Variants in SSH2 observed in about 807,000 individuals in gnomAD.
SSH2 encodes the protein protein phosphatase Slingshot homolog 2.
SSH2 carries 37 observed loss-of-function variants against 135.2 expected under a neutral mutation model. The ratio of observed to expected loss-of-function variants is 0.27; its 90% CI spans 0.21 to 0.36. SSH2 has a LOEUF of 0.36. SSH2 is among the 10% of genes least tolerant of loss of function. The probability of loss-of-function intolerance (pLI) is 1.00; values close to 1 mark genes in which losing one functional copy is unlikely to be tolerated. For missense variants in SSH2, 1,408 were observed against 1,765.3 expected (o/e 0.80, Z 3.63); for synonymous variants, 628 against 646.2 (o/e 0.97, Z 0.43).
At chr17:29,850,430 T>C (rs2065534392) in intron 1 of SSH2, among the ~76,000 whole-genome samples, 1 of 152,346 alleles carries the variant, frequency 6.6e-6, no homozygotes. Flanking sequence ...ATTCCTACTT[T>C]AATTTTTCAC....
At chr17:29,790,200 C>T (rs1713225208) in intron 3 of SSH2, among the ~76,000 whole-genome samples, 1 of 152,130 alleles carries the variant, frequency 6.6e-6, no homozygotes, top group African/African-American at 2.4e-5. Context: ...TGAAGCCCTA[C>T]CCTCGAAAGT....
intron 1 of SSH2, among the ~76,000 whole-genome samples, chr17:29,919,555 G>A (rs183524504): frequency 1.3e-5 from 2 of 152,280 alleles, no homozygotes; most frequent in African/African-American, 4.8e-5. Flanking sequence ...CAAAGGAAGG[G>A]AATGTATGAG....
chr17:29,732,822 C>T (rs184793922), intron 3 of SSH2, among the ~76,000 whole-genome samples: 2 of 152,206 alleles, frequency 1.3e-5, no homozygotes, highest in Admixed American at 6.5e-5. Flanking sequence ...TTATTTCATC[C>T]GGAATAGATA....
intron 12 of SSH2, among the ~76,000 whole-genome samples, chr17:29,654,919 C>A (rs1314576876): frequency 6.6e-6 from 1 of 152,122 alleles, no homozygotes; most frequent in Non-Finnish European, 1.5e-5. Flanking sequence ...AGAAGACGCT[C>A]AATCAATGTT....
At chr17:29,674,061 AT>A (rs1352503045) in intron 8 of SSH2, 1 of 456,702 alleles carries the variant, frequency 2.2e-6, no homozygotes. Flanking sequence ...ATGCAAAATG[AT>A]AAGGCATATT....
intron 6 of SSH2, among the ~76,000 whole-genome samples, chr17:29,681,331 CAAAAAAAAAAAAAAAAAA>C (rs764461213): frequency 1.4e-4 from 2 of 14,338 alleles, no homozygotes; most frequent in Non-Finnish European, 2.4e-4. Context: ...GAGACTGTCT[CAAAAAAAAAAAAAAAAAA>C]AAAAAAAAAA....
chr17:29,885,269 T>C (rs1267339364), intron 1 of SSH2, among the ~76,000 whole-genome samples: 2 of 151,566 alleles, frequency 1.3e-5, no homozygotes, highest in Non-Finnish European at 2.9e-5. Flanking sequence ...CTATTGCATA[T>C]TATGCTTTTT....
At chr17:29,784,089 A>G (rs989589022) in intron 3 of SSH2, among the ~76,000 whole-genome samples, 1 of 134,778 alleles carries the variant, frequency 7.4e-6, no homozygotes, top group African/African-American at 2.8e-5. Flanking sequence ...AAAAAAAAAA[A>G]AAAAGAGTAA....
At chr17:29,685,656 G>A (rs1355699202) in intron 5 of SSH2, among the ~76,000 whole-genome samples, 1 of 151,662 alleles carries the variant, frequency 6.6e-6, no homozygotes, top group Non-Finnish European at 1.5e-5. Context: ...GGGCGTGGTG[G>A]CGCACGCCTG....
At chr17:29,926,239 A>G (rs900544907) in intron 1 of SSH2, among the ~76,000 whole-genome samples, 9 of 151,930 alleles carry the variant, frequency 5.9e-5, no homozygotes, top group African/African-American at 1.9e-4. Context: ...TATCTACTAG[A>G]TCAATTTTCT....
At chr17:29,688,419 C>T (rs1248577395) in intron 5 of SSH2, among the ~76,000 whole-genome samples, 2 of 152,158 alleles carry the variant, frequency 1.3e-5, no homozygotes, top group Non-Finnish European at 2.9e-5. Context: ...AGAAGGGCCC[C>T]AGACATTTAA....
intron 2 of SSH2, among the ~76,000 whole-genome samples, chr17:29,840,531 T>G (rs941770465): frequency 1.3e-5 from 2 of 152,226 alleles, no homozygotes; most frequent in African/African-American, 4.8e-5. Context: ...TTCATGTACT[T>G]AAATAATATA....
At chr17:29,683,054 T>G (rs547162488) in intron 6 of SSH2, among the ~76,000 whole-genome samples, 1 of 152,116 alleles carries the variant, frequency 6.6e-6, no homozygotes, top group Non-Finnish European at 1.5e-5. Context: ...GACAAAGTGA[T>G]TTTTTCCCCT....
At chr17:29,853,065 C>T (rs2065593299) in intron 1 of SSH2, among the ~76,000 whole-genome samples, 1 of 150,850 alleles carries the variant, frequency 6.6e-6, no homozygotes, top group African/African-American at 2.4e-5. Context: ...ATACAAAATG[C>T]AGCCTTAATT....
intron 3 of SSH2, among the ~76,000 whole-genome samples, chr17:29,705,556 C>T (rs933361631): frequency 1.3e-5 from 2 of 152,140 alleles, no homozygotes; most frequent in Admixed American, 6.5e-5. Flanking sequence ...TAAAAAACAT[C>T]GATTGTACAG....
At chr17:29,913,942 A>G (rs1243887420) in intron 1 of SSH2, among the ~76,000 whole-genome samples, 1 of 152,038 alleles carries the variant, frequency 6.6e-6, no homozygotes, top group African/African-American at 2.4e-5. Context: ...CCAGCTTCCT[A>G]TATTTCTTAC....
chr17:29,778,659 T>TAAAA (rs1333336827), intron 3 of SSH2, among the ~76,000 whole-genome samples: 4 of 84,012 alleles, frequency 4.8e-5, no homozygotes, highest in Non-Finnish European at 1.1e-4. Flanking sequence ...AATAAATAAA[T>TAAAA]AAAAATAAAT....
chr17:29,913,351 TATATATATATATATATA>T (rs2066815337), intron 1 of SSH2, among the ~76,000 whole-genome samples: 1 of 20,658 alleles, frequency 4.8e-5, no homozygotes, highest in South Asian at 2.3e-3. Flanking sequence ...AAAAAAAATA[TATATATATATATATATA>T]TATATATATA....
chr17:29,650,850 C>T (rs759337802), intron 12 of SSH2, 50 bp from the exon 13 acceptor site: 2 of 1,452,914 alleles, frequency 1.4e-6, no homozygotes, highest in Admixed American at 4.5e-5. Flanking sequence ...AGGCTAAATC[C>T]AATTCCCAGC....
Sources: allele counts gnomAD v4.1 joint callset (sites outside exome capture counted in the v4.1 genomes callset), GRCh38; gene constraint gnomAD v4.1.1; transcripts MANE v1.5; gene names NCBI Gene and HGNC (gene_info 2026-07-23, HGNC 2026-07-21).